The following IQCM variants were observed in gnomAD, a reference collection of about 807,000 sequenced individuals.
IQCM encodes IQ domain-containing protein M.
A neutral mutation model predicts 57.6 loss-of-function variants in IQCM; 45 were observed. The ratio of observed to expected loss-of-function variants is 0.78; its 90% CI spans 0.62 to 1.00. The LOEUF is 1.00. Ranked by LOEUF, IQCM falls within the 50% of genes least tolerant of loss-of-function variation. IQCM has a pLI of 0.00. For synonymous variants in IQCM, 148 were observed against 158.9 expected (o/e 0.93, Z 0.51); for missense variants, 468 against 511.6 (o/e 0.91, Z 0.82).
chr4:149,807,462 C>G (rs572330135), intron 2 of IQCM, among the ~76,000 whole-genome samples: 2 of 152,052 alleles, frequency 1.3e-5, no homozygotes, highest in South Asian at 2.1e-4. Flanking sequence ...AATGTAAGAA[C>G]TGAAACTAGA....
chr4:149,380,006 C>T (rs575957257), intron 13 of IQCM, among the ~76,000 whole-genome samples: 10 of 152,220 alleles, frequency 6.6e-5, no homozygotes, highest in African/African-American at 1.4e-4. Context: ...AAACCCCTTT[C>T]GCTTGGTTTT....
chr4:149,611,689 A>G (rs1043014598), intron 8 of IQCM, among the ~76,000 whole-genome samples: 1 of 152,038 alleles, frequency 6.6e-6, no homozygotes, highest in African/African-American at 2.4e-5. Context: ...TGGGAAGAGT[A>G]ATGGGGGTGG....
At chr4:149,426,199 C>G (rs1043921414) in intron 13 of IQCM, among the ~76,000 whole-genome samples, 4 of 151,960 alleles carry the variant, frequency 2.6e-5, no homozygotes. Context: ...TAAATATCAA[C>G]CAGTGACAGC....
chr4:149,563,951 T>C, intron 9 of IQCM, 61 bp from the exon 10 acceptor site: 1 of 768,888 alleles, frequency 1.3e-6, no homozygotes, highest in Non-Finnish European at 1.8e-6. Flanking sequence ...CCACAAACAG[T>C]TTTAAATTAT....
chr4:149,598,652 T>C (rs575590967), intron 8 of IQCM, among the ~76,000 whole-genome samples: 3 of 96,284 alleles, frequency 3.1e-5, no homozygotes, highest in Admixed American at 3.0e-4. Flanking sequence ...TTCTCAACTT[T>C]ATTTGTCATT....
intron 9 of IQCM, among the ~76,000 whole-genome samples, chr4:149,580,904 T>C (rs530362424): frequency 6.6e-6 from 1 of 151,788 alleles, no homozygotes; most frequent in Non-Finnish European, 1.5e-5. Flanking sequence ...TTTATTTACA[T>C]ATTTATTTTA....
intron 13 of IQCM, among the ~76,000 whole-genome samples, chr4:149,382,700 C>T (rs1011520040): frequency 6.6e-6 from 1 of 152,014 alleles, no homozygotes. Context: ...GGAAAAACCT[C>T]CTGCCGAATA....
chr4:149,665,842 G>A (rs1157248684), intron 7 of IQCM, among the ~76,000 whole-genome samples: 1 of 152,064 alleles, frequency 6.6e-6, no homozygotes, highest in Non-Finnish European at 1.5e-5. Flanking sequence ...GGAGAAAGGT[G>A]GAAGGACTCG....
At chr4:149,674,280 A>C (rs1167758311) in intron 7 of IQCM, among the ~76,000 whole-genome samples, 1 of 152,148 alleles carries the variant, frequency 6.6e-6, no homozygotes, top group African/African-American at 2.4e-5. Context: ...AATTGGTACA[A>C]CACTTTTACA....
chr4:149,597,884 T>C lies in IQCM; in HGVS notation c.682-9887A>G, dbSNP rs972998333. Among the ~76,000 whole-genome samples, 72 of 151,772 alleles carry C rather than the reference T, an allele frequency of 4.7e-4. 1 individual carries two copies. Among genetic ancestry groups the C allele is most frequent in the Admixed American group, 3.4e-3 (51 of 15,216 alleles). ...AAATAAACTACACTTACACACCTCA[T>C]AACAACAAAATAAACTACACTTACA... On this transcript the variant is annotated intron_variant, in intron 8 of 13. Coordinates refer to ENST00000636793, the MANE Select transcript of IQCM (RefSeq NM_001363507.2).
intron 2 of IQCM, among the ~76,000 whole-genome samples, chr4:149,771,918 CT>C (rs1236894631): frequency 6.6e-6 from 1 of 152,046 alleles, no homozygotes; most frequent in Non-Finnish European, 1.5e-5. Context: ...ATTCTATTTT[CT>C]TTTAGTAGGA....
chr4:149,512,485 T>C lies in IQCM; in HGVS notation c.1228+35970A>G, dbSNP rs147836392. Among the ~76,000 whole-genome samples the C allele has an allele frequency of 2.6e-4, 39 of 152,342 alleles. No individual in the cohort carries two copies. The East Asian group carries it at 6.6e-3, about 26-fold the overall frequency. Reference sequence around the variant, plus strand: ...CTTAACTTGAGAGAATTCACAAATATAAATTTTAATGGACAGCTTTTGACA... The same window carrying C: ...CTTAACTTGAGAGAATTCACAAATACAAATTTTAATGGACAGCTTTTGACA... On this transcript the variant is annotated intron_variant, in intron 12 of 13. Transcript: ENST00000636793.
At chr4:149,649,207 T>TAAGAA (rs1758937974) in intron 7 of IQCM, among the ~76,000 whole-genome samples, 2 of 151,956 alleles carry the variant, frequency 1.3e-5, no homozygotes, top group African/African-American at 2.4e-5. Flanking sequence ...CTCCTTTTCT[T>TAAGAA]AAGGAGGGGT....
At chr4:149,646,553 G>A (rs1470474364) in intron 7 of IQCM, among the ~76,000 whole-genome samples, 2 of 152,072 alleles carry the variant, frequency 1.3e-5, no homozygotes, top group Non-Finnish European at 2.9e-5. Context: ...GTAATCAAAA[G>A]AAAGTTGACA....
intron 2 of IQCM, among the ~76,000 whole-genome samples, chr4:149,753,064 G>A (rs1245078604): frequency 2.0e-5 from 3 of 152,174 alleles, no homozygotes; most frequent in Admixed American, 1.3e-4. Context: ...ACAGAAAGTG[G>A]TGAGCATTAG....
intron 13 of IQCM, among the ~76,000 whole-genome samples, chr4:149,356,635 T>C (rs1360937012): frequency 1.3e-5 from 2 of 152,176 alleles, no homozygotes; most frequent in African/African-American, 2.4e-5. Context: ...CCATGCTGTT[T>C]TGGTTACTGT....
chr4:149,664,598 G>C (rs1289589088), intron 7 of IQCM, among the ~76,000 whole-genome samples: 1 of 152,108 alleles, frequency 6.6e-6, no homozygotes, highest in Non-Finnish European at 1.5e-5. Flanking sequence ...CAATGGCTAA[G>C]ATGTGAGAGT....
At chr4:149,703,054 G>T (rs1763887484) in intron 5 of IQCM, among the ~76,000 whole-genome samples, 1 of 151,894 alleles carries the variant, frequency 6.6e-6, no homozygotes, top group Admixed American at 6.6e-5. Context: ...TACTAACATA[G>T]CTTGCTTTGT....
At chr4:149,362,938 T>C (rs894935304) in intron 13 of IQCM, among the ~76,000 whole-genome samples, 3 of 151,968 alleles carry the variant, frequency 2.0e-5, no homozygotes, top group African/African-American at 7.3e-5. Context: ...GTTGGTAGAG[T>C]TGGATGATTT....
Sources: gnomAD v4.1 joint callset for allele counts (sites outside exome capture counted in the v4.1 genomes callset) on GRCh38, gnomAD v4.1.1 for gene constraint, MANE v1.5 for transcripts, NCBI Gene and HGNC (gene_info 2026-07-23, HGNC 2026-07-21) for gene names.